The following GALNT13 variants were observed in gnomAD, a reference collection of about 807,000 sequenced individuals.
GALNT13 encodes the protein polypeptide N-acetylgalactosaminyltransferase 13, also known as UDP-GalNAc:polypeptide N-acetylgalactosaminyltransferase 13.
In GALNT13, 28 loss-of-function variants were observed where a neutral mutation model predicts 64.2. That is an observed-to-expected ratio of 0.44 (90% CI 0.32 to 0.60). The LOEUF is 0.60. GALNT13 is among the 20% of genes least tolerant of loss of function. The pLI is 0.05. For synonymous variants in GALNT13, 214 were observed against 224.6 expected (o/e 0.95, Z 0.42); for missense variants, 577 against 669.8 (o/e 0.86, Z 1.53).
chr2:153,301,320 A>AAAAAAAAAAAAAAAAAAAAAAAAG, the GALNT13 span, among the ~76,000 whole-genome samples: 28 of 126,674 alleles, frequency 2.2e-4, 1 homozygote, highest in African/African-American at 6.9e-4. Flanking sequence ...AAAAAAAAAG[A>AAAAAAAAAAAAAAAAAAAAAAAAG]AAAAAAAAAA....
chr2:153,281,369 AT>A, the GALNT13 span, among the ~76,000 whole-genome samples: 2 of 151,694 alleles, frequency 1.3e-5, no homozygotes, highest in Non-Finnish European at 2.9e-5. Flanking sequence ...CAGTGATGGC[AT>A]TTATACCATT....
At chr2:153,900,745 A>C (rs1436774061) in intron 1 of GALNT13, among the ~76,000 whole-genome samples, 191 bp from the exon 2 acceptor site, 1 of 152,120 alleles carries the variant, frequency 6.6e-6, no homozygotes, top group Non-Finnish European at 1.5e-5. Flanking sequence ...GATGTTTTGG[A>C]ATATTTGCAT....
chr2:154,194,457 A>G (rs1011078666), intron 4 of GALNT13, among the ~76,000 whole-genome samples: 2 of 152,196 alleles, frequency 1.3e-5, no homozygotes, highest in Non-Finnish European at 2.9e-5. Context: ...TGTAGACAGA[A>G]AGGGAAACCT....
the GALNT13 span, among the ~76,000 whole-genome samples, chr2:153,800,724 G>A: frequency 5.3e-5 from 8 of 152,196 alleles, no homozygotes; most frequent in South Asian, 2.1e-4. Flanking sequence ...CAACTCATTC[G>A]TTGAAGCTTT....
the GALNT13 span, among the ~76,000 whole-genome samples, chr2:153,270,818 C>T: frequency 2.6e-4 from 40 of 152,236 alleles, no homozygotes; most frequent in African/African-American, 8.7e-4. Context: ...TGCCACTGCA[C>T]TCAGCCTAGG....
the GALNT13 span, among the ~76,000 whole-genome samples, chr2:153,327,600 T>C: frequency 6.6e-6 from 1 of 151,872 alleles, no homozygotes; most frequent in Non-Finnish European, 1.5e-5. Context: ...TTGATACTTG[T>C]GTATGCTTCA....
the GALNT13 span, among the ~76,000 whole-genome samples, chr2:153,444,788 A>C: frequency 6.6e-6 from 1 of 152,124 alleles, no homozygotes; most frequent in African/African-American, 2.4e-5. Flanking sequence ...TTAATTGCTA[A>C]GTGTCATTCC....
chr2:154,056,750 A>G (rs890144202), intron 3 of GALNT13, among the ~76,000 whole-genome samples: 32 of 152,144 alleles, frequency 2.1e-4, no homozygotes, highest in African/African-American at 6.5e-4. Context: ...TATATGTATC[A>G]TGGTGTTCCA....
At chr2:153,414,098 G>A in the GALNT13 span, among the ~76,000 whole-genome samples, 20 of 152,074 alleles carry the variant, frequency 1.3e-4, no homozygotes, top group East Asian at 2.5e-3. Context: ...AATGATGGCC[G>A]GGCTCAGTGG....
At chr2:154,018,489 C>A (rs1465005066) in intron 3 of GALNT13, among the ~76,000 whole-genome samples, 1 of 151,998 alleles carries the variant, frequency 6.6e-6, no homozygotes, top group Non-Finnish European at 1.5e-5. Flanking sequence ...AGAGTTCAAC[C>A]TTTTTTATTA....
chr2:153,851,439 TCCTGTAATC>T, the GALNT13 span, among the ~76,000 whole-genome samples: 1 of 152,080 alleles, frequency 6.6e-6, no homozygotes, highest in African/African-American at 2.4e-5. Flanking sequence ...TTTTGCATTT[TCCTGTAATC>T]CCTATGTTTT....
At chr2:153,476,746 A>G in the GALNT13 span, among the ~76,000 whole-genome samples, 3 of 152,226 alleles carry the variant, frequency 2.0e-5, no homozygotes, top group African/African-American at 7.2e-5. Context: ...AGAAAAAGTA[A>G]TATCACAACG....
the GALNT13 span, among the ~76,000 whole-genome samples, chr2:153,311,017 A>G: frequency 0.025 from 3,781 of 152,270 alleles, 85 homozygotes; most frequent in Non-Finnish European, 0.035. Context: ...ATGTATTCAA[A>G]TGTGTTCATT....
chr2:153,139,057 T>C, the GALNT13 span, among the ~76,000 whole-genome samples: 1 of 152,124 alleles, frequency 6.6e-6, no homozygotes, highest in African/African-American at 2.4e-5. Context: ...AAGTCACAAA[T>C]TTAAATTCAA....
the GALNT13 span, among the ~76,000 whole-genome samples, chr2:153,107,330 A>C: frequency 2.0e-5 from 3 of 152,134 alleles, no homozygotes; most frequent in Admixed American, 2.0e-4. Flanking sequence ...TGGTTTTCCA[A>C]ATGGGCTAAA....
the GALNT13 span, among the ~76,000 whole-genome samples, chr2:153,124,060 C>T: frequency 5.3e-5 from 8 of 152,234 alleles, no homozygotes; most frequent in African/African-American, 9.6e-5. Context: ...ATCAAGCTGC[C>T]GTGTTGTGAG....
chr2:154,201,156 C>G (rs1458191776), intron 4 of GALNT13, among the ~76,000 whole-genome samples: 1 of 152,004 alleles, frequency 6.6e-6, no homozygotes, highest in African/African-American at 2.4e-5. Context: ...GGTCAGCCTA[C>G]AAAGAGTTGT....
chr2:153,565,776 G>A, the GALNT13 span, among the ~76,000 whole-genome samples: 2 of 152,004 alleles, frequency 1.3e-5, no homozygotes, highest in Non-Finnish European at 2.9e-5. Flanking sequence ...AAGTATGCAC[G>A]TGCTTGTGCA....
the GALNT13 span, among the ~76,000 whole-genome samples, chr2:153,466,882 C>T: frequency 6.6e-6 from 1 of 151,956 alleles, no homozygotes; most frequent in South Asian, 2.1e-4. Context: ...CCAATTTCCT[C>T]AGCAATGGGA....
Sources: gnomAD v4.1 joint callset for allele counts (sites outside exome capture counted in the v4.1 genomes callset) on GRCh38, gnomAD v4.1.1 for gene constraint, MANE v1.5 for transcripts, NCBI Gene and HGNC (gene_info 2026-07-23, HGNC 2026-07-21) for gene names.